CCDC157: variants seen among roughly 807,000 people sequenced by gnomAD.
CCDC157 encodes coiled-coil domain containing 157.
Under a neutral mutation model 70.9 loss-of-function variants are expected in CCDC157, and 60 were observed. That is an observed-to-expected ratio of 0.85 (90% CI 0.69 to 1.05). The LOEUF (loss-of-function observed/expected upper bound fraction) is 1.05, where lower values mean the gene tolerates loss of function less well. CCDC157 is among the 50% of genes least tolerant of loss of function. CCDC157 has a pLI of 0.00. For synonymous variants in CCDC157, 373 were observed against 422.4 expected (o/e 0.88, Z 1.43); for missense variants, 943 against 984.2 (o/e 0.96, Z 0.56).
At chr22:30,356,629 C>T (rs1931862178), upstream of CCDC157, 4 of 897,074 alleles carry the variant, frequency 4.5e-6, no homozygotes, top group Non-Finnish European at 6.1e-6. Context: ...GACTTGCAGT[C>T]CCTCCAAGCC....
At chr22:30,356,700 G>T, upstream of CCDC157, 1 of 1,452,914 alleles carries the variant, frequency 6.9e-7, no homozygotes, top group Non-Finnish European at 9.2e-7. Flanking sequence ...CAACCCTCCG[G>T]CTGCAGGCTG....
chr22:30,369,826 G>A, intron 4 of CCDC157: 1 of 480,072 alleles, frequency 2.1e-6, no homozygotes, highest in Admixed American at 3.8e-5. Flanking sequence ...ACATCCCTGT[G>A]GGACTTTGGA....
At chr22:30,356,671 G>A (rs1745700506), upstream of CCDC157, 4 of 1,304,250 alleles carry the variant, frequency 3.1e-6, no homozygotes, top group Admixed American at 5.8e-5. Context: ...ATTCCTGTGC[G>A]AGTAAGGAGC....
intron 1 of CCDC157, 106 bp downstream of exon 1, chr22:30,357,238 C>G (rs1931949919): frequency 6.4e-6 from 1 of 156,808 alleles, no homozygotes; most frequent in Non-Finnish European, 1.4e-5. Flanking sequence ...TTCCAAGAGC[C>G]CAGCTCCCTC....
At chr22:30,372,322 A>C (rs1569191165) in intron 7 of CCDC157, 36 bp downstream of exon 7, 2 of 1,484,446 alleles carry the variant, frequency 1.3e-6, no homozygotes, top group Non-Finnish European at 1.8e-6. Flanking sequence ...GGGCATCTGC[A>C]ATGTAGGCTG....
Position 30,375,510 on chromosome 22 carries a change from A to G in CCDC157, c.1704A>G (p.Ile568Met). 1.2e-6 allele frequency: 2 copies of G among 1,614,178 alleles called. No homozygotes were observed. The highest frequency in any genetic ancestry group is 2.2e-5 in the South Asian group (2 of 91,086). ...GGRSSSVESQITCPTDSGNVT... is the reference protein window; with the variant it reads ...GGRSSSVESQMTCPTDSGNVT... ...GATCCAGCAGCGTGGAATCCCAGATAACATGTCCCACAGACTCTGGCAACG... is the reference window on the plus strand; with the variant it reads ...GATCCAGCAGCGTGGAATCCCAGATGACATGTCCCACAGACTCTGGCAACG... The change falls in exon 10 of 12, where the codon ATA (isoleucine) becomes ATG (methionine). Residue 568 changes from isoleucine (I) to methionine (M), a missense_variant. By Grantham distance (10) the Ile-to-Met change is conservative (BLOSUM62 1). Coordinates refer to ENST00000338306, the MANE Select transcript of CCDC157 (RefSeq NM_001017437.5).
At chr22:30,368,768 T>C (rs1453404147) in intron 3 of CCDC157, 1 of 152,264 alleles carries the variant, frequency 6.6e-6, no homozygotes, top group Non-Finnish European at 1.5e-5. Context: ...TCCTGGTATG[T>C]GTTGTAAACA....
intron 5 of CCDC157, 182 bp from the exon 6 acceptor site, chr22:30,371,468 T>C (rs2145926454): frequency 1.7e-6 from 1 of 603,078 alleles, no homozygotes; most frequent in Non-Finnish European, 2.9e-6. Context: ...AGCCAGCCCA[T>C]GAGAAGCAGG....
At chr22:30,356,711 A>G, upstream of CCDC157, 5 of 1,472,694 alleles carry the variant, frequency 3.4e-6, no homozygotes, top group Non-Finnish European at 4.5e-6. Context: ...CTGCAGGCTG[A>G]GGGGCGGGGG....
rs1316239085 is a variant in CCDC157 at position 30,372,119 on chromosome 22, G to A, written c.1168G>A (p.Ala390Thr). Reference sequence around the variant, plus strand: ...GCAGGAGGAAGGTGAGCGCAGGGCGGCAGCGGAGAGGCAGGTGCAGCAGCT... The same window carrying A: ...GCAGGAGGAAGGTGAGCGCAGGGCGACAGCGGAGAGGCAGGTGCAGCAGCT... ...QLQEEGERRA[A>T]AERQVQQLEE... The change falls in exon 7 of 12, where the codon GCA (alanine) becomes ACA (threonine). Residue 390 changes from alanine to threonine, a missense_variant. Ala to Thr is a moderately conservative substitution (Grantham distance 58). Coordinates refer to ENST00000338306, the MANE Select transcript of CCDC157 (RefSeq NM_001017437.5). The A allele has an allele frequency of 6.4e-7, 1 of 1,558,388 alleles. No individual in the cohort carries two copies.
chr22:30,371,232 A>G (rs1932926084), intron 5 of CCDC157: 2 of 533,214 alleles, frequency 3.8e-6, no homozygotes, highest in Admixed American at 6.3e-5. Context: ...ATCCACTTGC[A>G]CTGTCAGTCA....
chr22:30,372,458 G>C, intron 7 of CCDC157, 172 bp downstream of exon 7: 1 of 948,628 alleles, frequency 1.1e-6, no homozygotes, highest in Non-Finnish European at 1.5e-6. Flanking sequence ...ACCAGGCACT[G>C]GGGGAACAGT....
chr22:30,363,709 G>C, intron 2 of CCDC157, among the ~76,000 whole-genome samples: 1 of 103,592 alleles, frequency 9.7e-6, no homozygotes, highest in East Asian at 3.0e-4. Flanking sequence ...TTTTTTTTAA[G>C]ACAGAGTCTC....
intron 2 of CCDC157, among the ~76,000 whole-genome samples, chr22:30,363,264 C>T (rs759364304): frequency 1.1e-4 from 16 of 152,156 alleles, no homozygotes; most frequent in African/African-American, 1.9e-4. Flanking sequence ...TGTCCACAGG[C>T]GGCAGAAGAT....
chr22:30,369,387 T>G, intron 3 of CCDC157, 45 bp from the exon 4 acceptor site: 2 of 1,445,812 alleles, frequency 1.4e-6, no homozygotes, highest in Non-Finnish European at 1.8e-6. Flanking sequence ...TGAGGGTATG[T>G]TAGCACCAGC....
intron 5 of CCDC157, 70 bp downstream of exon 5, chr22:30,371,020 A>C: frequency 6.7e-7 from 1 of 1,503,552 alleles, no homozygotes; most frequent in African/African-American, 1.4e-5. Context: ...GATGTTTGTG[A>C]GACAGGGCTT....
At chr22:30,363,683 C>CTTTT (rs55722661) in intron 2 of CCDC157, among the ~76,000 whole-genome samples, 6 of 114,650 alleles carry the variant, frequency 5.2e-5, no homozygotes, top group Non-Finnish European at 8.5e-5. Context: ...GAATGTTTCT[C>CTTTT]TTTTTTTTTT....
Position 30,371,673 on chromosome 22 carries a change from A to T in CCDC157, c.1069A>T (p.Met357Leu), listed in dbSNP as rs760246727. 1 of 1,614,074 alleles carries T rather than the reference A, an allele frequency of 6.2e-7. No individual in the cohort carries two copies. The highest frequency in any genetic ancestry group is 1.3e-5 in the African/African-American group (1 of 74,948). The change falls in exon 6 of 12, where the codon ATG becomes TTG. Residue 357 changes from methionine (M) to leucine (L), a missense_variant. Physicochemically the swap from Met to Leu is conservative, Grantham distance 15. Coordinates refer to ENST00000338306, the MANE Select transcript of CCDC157 (RefSeq NM_001017437.5). Reference protein sequence around the residue: ...LTETSDLKTKMATLERELKQQ... With the variant: ...LTETSDLKTKLATLERELKQQ... The stretch of plus-strand genomic sequence containing the variant: ...AGAAACAAGTGACCTAAAGACAAAG[A>T]TGGCCACCCTGGAGAGAGAACTGAA...
upstream of CCDC157, chr22:30,356,634 C>T: frequency 1.0e-6 from 1 of 997,556 alleles, no homozygotes; most frequent in Non-Finnish European, 1.4e-6. Context: ...GCAGTCCCTC[C>T]AAGCCCTTCA....
Sources: gnomAD v4.1 joint callset for allele counts (sites outside exome capture counted in the v4.1 genomes callset) on GRCh38, gnomAD v4.1.1 for gene constraint, MANE v1.5 for transcripts, NCBI Gene and HGNC (gene_info 2026-07-23, HGNC 2026-07-21) for gene names.